Variants in WDR62 observed in about 807,000 individuals in gnomAD.
The protein encoded by WDR62 is WD repeat domain 62.
Under a neutral mutation model 160.6 loss-of-function variants are expected in WDR62, and 112 were observed. The observed-to-expected ratio is 0.70, with a 90% confidence interval of 0.60 to 0.82. The LOEUF (loss-of-function observed/expected upper bound fraction) is 0.82. Ranked by LOEUF, WDR62 falls within the 40% of genes least tolerant of loss-of-function variation. WDR62 has a pLI of 0.00. For synonymous variants in WDR62, 792 were observed against 815.1 expected (o/e 0.97, Z 0.48); for missense variants, 1,819 against 1,983.8 (o/e 0.92, Z 1.58).
chr19:36,078,672 TA>T (rs1844175488), intron 9 of WDR62, among the ~76,000 whole-genome samples: 1 of 151,640 alleles, frequency 6.6e-6, no homozygotes, highest in African/African-American at 2.4e-5. Flanking sequence ...CTGTCTCTGC[TA>T]AAAATACAAA....
chr19:36,091,785 AG>A (rs1972625986), intron 18 of WDR62, among the ~76,000 whole-genome samples: 1 of 151,922 alleles, frequency 6.6e-6, no homozygotes, highest in African/African-American at 2.4e-5. Flanking sequence ...GCTACTCAGG[AG>A]GGGGAAGATG....
At chr19:36,072,518 A>G (rs7257383) in intron 8 of WDR62, among the ~76,000 whole-genome samples, 72,169 of 151,888 alleles carry the variant, frequency 0.48, 18,030 homozygotes, top group African/African-American at 0.62. Context: ...GGATAGAAGC[A>G]CTAGGCTGTG....
chr19:36,055,162 C>G lies in WDR62; in HGVS notation c.177+14C>G. 6.2e-7 allele frequency: 1 copy of G among 1,603,504 alleles called. No individual in the cohort carries two copies. Among genetic ancestry groups the G allele is most frequent in the South Asian group, 1.1e-5 (1 of 89,552 alleles). ...GTGCAGAACCGGGTGAGAAGCTGCT[C>G]GCCATGTCTACCCCAGTTCCAGGCT... On this transcript the variant is annotated intron_variant, in intron 1 of 31. Coordinates refer to ENST00000401500, the MANE Select transcript of WDR62 (RefSeq NM_001083961.2).
chr19:36,080,349 C>T (rs537808102), intron 9 of WDR62, among the ~76,000 whole-genome samples: 8 of 151,880 alleles, frequency 5.3e-5, no homozygotes, highest in South Asian at 2.1e-4. Context: ...CTCCTGACCT[C>T]GTGATCCTCC....
At position 36,102,750 on chromosome 19, in the gene WDR62, A is replaced by G; in HGVS notation, c.3234A>G (p.Ala1078=). ...ATCTTCCCCTAGAGCTCTTCCCCGCAGCTCTGGGAGACGTGGAGGCCTCTG... is the reference window on the plus strand; with the variant it reads ...ATCTTCCCCTAGAGCTCTTCCCCGCGGCTCTGGGAGACGTGGAGGCCTCTG... ...TESPCRELFP[A]ALGDVEASEA... The change falls in exon 27 of 32, where the codon GCA becomes GCG. Residue 1078 remains alanine (A), a synonymous_variant. Transcript: ENST00000401500. 6.2e-7 allele frequency: 1 copy of G among 1,614,188 alleles called. No homozygotes were observed. Among genetic ancestry groups the G allele is most frequent in the South Asian group, 1.1e-5 (1 of 91,086 alleles).
Position 36,103,369 on chromosome 19 carries a change from T to G in WDR62, c.3541T>G (p.Cys1181Gly). Residue 1181 changes from cysteine to glycine, a missense_variant, in exon 30 of 32, where the codon TGT becomes GGT. By Grantham distance (159) the Cys-to-Gly change is radical. Transcript: ENST00000401500. ...PPPCLTSLAS[C>G]VPASSVLPTD... ...TCCCTGCCTTACGAGCCTGGCGTCC[T>G]GTGTCCCTGCTTCCTCCGTGCTGCC... The G allele has an allele frequency of 6.2e-7, 1 of 1,613,824 alleles. No individual in the cohort carries two copies. The highest frequency in any genetic ancestry group is 8.5e-7 in the Non-Finnish European group (1 of 1,179,956).
chr19:36,096,936 TG>T, intron 20 of WDR62, 90 bp from the exon 21 acceptor site: 1 of 1,168,110 alleles, frequency 8.6e-7, no homozygotes, highest in Non-Finnish European at 1.3e-6. Context: ...TTCTGGGTTG[TG>T]GTGTTGCCTC....
chr19:36,057,102 A>G (rs1970412751), intron 1 of WDR62, among the ~76,000 whole-genome samples: 2 of 152,186 alleles, frequency 1.3e-5, no homozygotes, highest in African/African-American at 4.8e-5. Flanking sequence ...GGCGTGAGCT[A>G]CTGTGCCCCG....
In WDR62 at chr19:36,065,620, C is replaced by A. The variant is rs189020915; in HGVS notation, c.333-338C>A. 3.4e-4 allele frequency among the ~76,000 whole-genome samples: 52 copies of A among 152,328 alleles called. 1 individual carries two copies. The highest frequency in any genetic ancestry group is 1.5e-3 in the East Asian group (8 of 5,194). On this transcript the variant is annotated intron_variant, in intron 3 of 31. Transcript: ENST00000401500. ...TAGTTAGGCCAGGCCTGTACCATTT[C>A]CTGCATCTCTATTTCTCAGTGTTAC...
intron 21 of WDR62, among the ~76,000 whole-genome samples, chr19:36,098,518 T>A (rs1973113802): frequency 1.4e-5 from 2 of 147,730 alleles, no homozygotes; most frequent in South Asian, 4.2e-4. Flanking sequence ...TGAACCGAAA[T>A]CATGCCACTG....
chr19:36,082,059 G>A (rs1971932819), intron 10 of WDR62: 2 of 357,076 alleles, frequency 5.6e-6, no homozygotes, highest in South Asian at 4.1e-5. Flanking sequence ...TCTCTGGGGA[G>A]CTGAGACCTG....
downstream of WDR62, among the ~76,000 whole-genome samples, chr19:36,106,692 G>A (rs189032545): frequency 2.0e-5 from 3 of 152,324 alleles, no homozygotes; most frequent in Admixed American, 6.5e-5. Flanking sequence ...AAGCCCGGAC[G>A]GCTGGAATGG....
intron 1 of WDR62, among the ~76,000 whole-genome samples, chr19:36,057,501 T>C (rs926638936): frequency 4.1e-5 from 6 of 145,110 alleles, no homozygotes; most frequent in Non-Finnish European, 9.0e-5. Context: ...TTGGCCTCTG[T>C]TTCCTCAACT....
At position 36,071,836 on chromosome 19, in the gene WDR62, C is replaced by G. The variant is rs185069629; in HGVS notation, c.1043+120C>G. ...CATCCCACAAATACCCATCATGACTCTCAGCCCTGGGCATTACAAAGCAGA... is the reference window on the plus strand; with the variant it reads ...CATCCCACAAATACCCATCATGACTGTCAGCCCTGGGCATTACAAAGCAGA... On this transcript the variant is annotated intron_variant, in intron 8 of 31. Transcript: ENST00000401500. The G allele has an allele frequency of 9.1e-5, 122 of 1,335,642 alleles. No homozygotes were observed. The African/African-American group carries it at 1.6e-3, about 18-fold the overall frequency. The allele number at this position is 1,335,642 out of a possible 1,614,324, so 82.7% of individuals were successfully genotyped here.
At chr19:36,081,294 C>G in intron 9 of WDR62, 139 bp from the exon 10 acceptor site, 1 of 1,024,580 alleles carries the variant, frequency 9.8e-7, no homozygotes, top group Non-Finnish European at 1.5e-6. Context: ...CTTTTTTTTT[C>G]TTGTTTATTT....
At chr19:36,107,311 T>C (rs1973733809), downstream of WDR62, among the ~76,000 whole-genome samples, 1 of 152,186 alleles carries the variant, frequency 6.6e-6, no homozygotes, top group Non-Finnish European at 1.5e-5. Flanking sequence ...TTGGCTTTCC[T>C]GCAGCCCTGA....
rs747870811 is a variant in WDR62, at chr19:36,094,090, CAG to C, written c.2396_2397del (p.Glu799GlyfsTer2). The C allele has an allele frequency of 9.9e-6, 16 of 1,614,040 alleles. No individual in the cohort carries two copies. The highest frequency in any genetic ancestry group is 6.7e-5 in the African/African-American group (5 of 74,918). ...CACTCCCTGAGCCCTGGAGAGCAAACAGAGGATGATCTGGAGGAAGAGTGTGA... is the reference window on the plus strand; with the variant it reads ...CACTCCCTGAGCCCTGGAGAGCAAACAGGATGATCTGGAGGAAGAGTGTGA... On this transcript the variant is annotated frameshift_variant, in exon 20 of 32. Transcript: ENST00000401500. LOFTEE classifies it high-confidence loss of function.
chr19:36,101,187 C>A, intron 23 of WDR62, 27 bp from the exon 24 acceptor site: 1 of 1,590,614 alleles, frequency 6.3e-7, no homozygotes, highest in South Asian at 1.1e-5. Flanking sequence ...AGTCCTTGTT[C>A]CCTCTCTGCC....
chr19:36,102,882 T>C (rs1303183753), intron 27 of WDR62, 31 bp downstream of exon 27: 7 of 1,614,028 alleles, frequency 4.3e-6, no homozygotes, highest in Non-Finnish European at 5.1e-6. Context: ...GCCCACCCTC[T>C]GGCTCCTCAA....
Sources: allele counts gnomAD v4.1 joint callset (sites outside exome capture counted in the v4.1 genomes callset), GRCh38; gene constraint gnomAD v4.1.1; transcripts MANE v1.5; gene names NCBI Gene and HGNC (gene_info 2026-07-23, HGNC 2026-07-21).